Variants in ZZZ3 observed in about 807,000 individuals in gnomAD.
ZZZ3 encodes ZZ-type zinc finger-containing protein 3.
In ZZZ3, 22 loss-of-function variants were observed where a neutral mutation model predicts 95.2. The ratio of observed to expected loss-of-function variants is 0.23; its 90% CI spans 0.17 to 0.33. The LOEUF is 0.33. Ranked by LOEUF, ZZZ3 falls within the 10% of genes least tolerant of loss-of-function variation. The probability of loss-of-function intolerance (pLI) is 1.00; values close to 1 mark genes in which losing one functional copy is unlikely to be tolerated. For synonymous variants in ZZZ3, 335 were observed against 358.9 expected, an observed-to-expected ratio of 0.93 and a Z score of 0.75; for missense variants, 885 against 1,066.5, an observed-to-expected ratio of 0.83 and a Z score of 2.37.
chr1:77,566,273 CATCTT>C (rs1660818644), intron 13 of ZZZ3, 92 bp from the exon 14 acceptor site: 8 of 817,296 alleles, frequency 9.8e-6, no homozygotes, highest in Non-Finnish European at 1.6e-5. Flanking sequence ...TGCACACAGA[CATCTT>C]CTCTTCTCTC....
intron 5 of ZZZ3, among the ~76,000 whole-genome samples, chr1:77,621,516 TAAAA>T (rs568033576): frequency 8.1e-6 from 1 of 123,050 alleles, no homozygotes; most frequent in African/African-American, 3.0e-5. Context: ...AAATTTAAGT[TAAAA>T]AAAAAAAAAA....
chr1:77,654,982 G>C (rs1283647549), intron 1 of ZZZ3, among the ~76,000 whole-genome samples: 3 of 152,092 alleles, frequency 2.0e-5, no homozygotes, highest in African/African-American at 7.2e-5. Flanking sequence ...CAGGGGCTGA[G>C]AAGTCCAAAG....
At chr1:77,588,676 T>C (rs1045278085) in intron 5 of ZZZ3, among the ~76,000 whole-genome samples, 5 of 152,266 alleles carry the variant, frequency 3.3e-5, no homozygotes, top group East Asian at 1.9e-4. Flanking sequence ...CTTTTACTTT[T>C]GCTACTCACT....
chr1:77,578,773 C>T lies in ZZZ3; in HGVS notation c.2178+1G>A. The T allele has an allele frequency of 6.7e-7, 1 of 1,501,720 alleles. No individual in the cohort carries two copies. The highest frequency in any genetic ancestry group is 2.5e-5 in the East Asian group (1 of 39,910). 93.0% of individuals were successfully genotyped at this position (1,501,720 alleles called of 1,614,324 possible). ...GTTTACTTTCATGTATTTTCTTTTACCTTTTTGGAGTATATATATAAGTTT... is the reference window on the plus strand; with the variant it reads ...GTTTACTTTCATGTATTTTCTTTTATCTTTTTGGAGTATATATATAAGTTT... On this transcript the variant is annotated splice_donor_variant, in intron 11 of 14. Transcript: ENST00000370801. LOFTEE classifies it high-confidence loss of function.
chr1:77,677,531 C>T (rs1039838807), intron 1 of ZZZ3, among the ~76,000 whole-genome samples: 2 of 152,010 alleles, frequency 1.3e-5, no homozygotes, highest in East Asian at 1.9e-4. Flanking sequence ...AACAACCACT[C>T]GAAAGAGAAT....
intron 1 of ZZZ3, among the ~76,000 whole-genome samples, chr1:77,674,155 A>C (rs974407481): frequency 2.6e-5 from 4 of 152,176 alleles, no homozygotes; most frequent in African/African-American, 7.2e-5. Context: ...AAAACAAAGA[A>C]GGCTTTTATT....
chr1:77,675,855 T>C (rs749514042), intron 1 of ZZZ3, among the ~76,000 whole-genome samples: 13 of 152,234 alleles, frequency 8.5e-5, no homozygotes, highest in African/African-American at 3.1e-4. Context: ...GCACTCTCAG[T>C]ATTAAAAATG....
At chr1:77,667,926 G>A (rs370350282) in intron 1 of ZZZ3, among the ~76,000 whole-genome samples, 2 of 151,592 alleles carry the variant, frequency 1.3e-5, no homozygotes, top group South Asian at 2.1e-4. Context: ...CACCACGCCC[G>A]GCTAATTTTT....
intron 5 of ZZZ3, among the ~76,000 whole-genome samples, chr1:77,627,540 T>C (rs1213252136): frequency 6.6e-6 from 1 of 152,220 alleles, no homozygotes; most frequent in Non-Finnish European, 1.5e-5. Context: ...ATCAAATGTT[T>C]GTTTAATCAA....
intron 1 of ZZZ3, among the ~76,000 whole-genome samples, chr1:77,653,138 G>C (rs150727856): frequency 6.6e-6 from 1 of 152,144 alleles, no homozygotes; most frequent in African/African-American, 2.4e-5. Flanking sequence ...AGTGAGCCAC[G>C]ATTGTGCCAC....
At chr1:77,585,799 A>C (rs1265817097) in intron 5 of ZZZ3, among the ~76,000 whole-genome samples, 1 of 152,234 alleles carries the variant, frequency 6.6e-6, no homozygotes, top group African/African-American at 2.4e-5. Flanking sequence ...TCAAAGGTGA[A>C]ATACTGCAGT....
Position 77,567,007 on chromosome 1 carries a change from T to C in ZZZ3, c.2467-826A>G, listed in dbSNP as rs373856948. On this transcript the variant is annotated intron_variant, in intron 13 of 14. Coordinates refer to ENST00000370801, the MANE Select transcript of ZZZ3 (RefSeq NM_015534.6). ...GAGCTGCCAGTTAGGAAAATCTCTA[T>C]TGGAGAAACAGGGTCACTGAAAGAT... is the stretch of plus-strand genomic sequence containing the variant. Among the ~76,000 whole-genome samples the C allele has an allele frequency of 2.6e-5, 4 of 152,342 alleles. No homozygotes were observed. The South Asian group carries it at 6.2e-4, about 24-fold the overall frequency.
intron 5 of ZZZ3, among the ~76,000 whole-genome samples, chr1:77,628,907 A>G (rs1254273566): frequency 1.3e-5 from 2 of 152,214 alleles, no homozygotes; most frequent in Admixed American, 6.5e-5. Context: ...TTTCTAGCAC[A>G]GGGAGAATAA....
chr1:77,598,728 T>C (rs1008942947), intron 5 of ZZZ3, among the ~76,000 whole-genome samples: 10 of 152,166 alleles, frequency 6.6e-5, no homozygotes, highest in African/African-American at 2.4e-4. Context: ...TGTAAATAAT[T>C]CTCAGCTGCT....
Position 77,565,570 on chromosome 1 carries a change from G to C in ZZZ3, c.*70C>G, listed in dbSNP as rs1660739155. ...GGAAAGCAGAGAATCTTTCCAAACT[G>C]TGCACATAATTAACAATGATACCAT... is the stretch of plus-strand genomic sequence containing the variant. On this transcript the variant is annotated 3_prime_UTR_variant, in exon 15 of 15. Transcript: ENST00000370801. 4.0e-6 allele frequency: 6 copies of C among 1,503,762 alleles called. No homozygotes were observed. The East Asian group carries it at 1.1e-4, about 28-fold the overall frequency. 93.2% of individuals were successfully genotyped at this position (1,503,762 alleles called of 1,614,324 possible).
At chr1:77,571,387 A>C (rs1661369876) in intron 12 of ZZZ3, among the ~76,000 whole-genome samples, 1 of 152,228 alleles carries the variant, frequency 6.6e-6, no homozygotes, top group African/African-American at 2.4e-5. Context: ...TATGGAAAAC[A>C]GTATGGTGGT....
At chr1:77,659,121 G>T (rs1670553511) in intron 1 of ZZZ3, among the ~76,000 whole-genome samples, 1 of 152,050 alleles carries the variant, frequency 6.6e-6, no homozygotes, top group African/African-American at 2.4e-5. Flanking sequence ...GGGAGGCTGA[G>T]TCAGGAGAAC....
At chr1:77,609,934 C>CA (rs748308292) in intron 5 of ZZZ3, among the ~76,000 whole-genome samples, 11 of 151,664 alleles carry the variant, frequency 7.3e-5, no homozygotes, top group Admixed American at 1.3e-4. Flanking sequence ...ACATAAAAAA[C>CA]AAAAAACTTC....
intron 6 of ZZZ3, among the ~76,000 whole-genome samples, chr1:77,582,386 T>C (rs1478284649): frequency 6.6e-6 from 1 of 152,154 alleles, no homozygotes; most frequent in East Asian, 1.9e-4. Context: ...AAAATAATGA[T>C]AGTAATATAA....
Sources: gnomAD v4.1 joint callset for allele counts (sites outside exome capture counted in the v4.1 genomes callset) on GRCh38, gnomAD v4.1.1 for gene constraint, MANE v1.5 for transcripts, NCBI Gene and HGNC (gene_info 2026-07-23, HGNC 2026-07-21) for gene names.